NRXN3: variants seen among roughly 807,000 people sequenced by gnomAD.
NRXN3 encodes the protein neurexin III.
NRXN3 carries 32 observed loss-of-function variants against 137.6 expected under a neutral mutation model. The ratio of observed to expected loss-of-function variants is 0.23; its 90% CI spans 0.18 to 0.31. NRXN3 has a LOEUF of 0.31. Among genes scored for constraint, NRXN3 ranks in the 10% least tolerant of loss-of-function variants. NRXN3 has a pLI of 1.00. For missense variants in NRXN3, 1,574 were observed against 2,062.5 expected (o/e 0.76, Z 4.59); for synonymous variants, 798 against 784.5 (o/e 1.02, Z -0.29).
At chr14:78,671,591 CAT>C (rs145758507) in intron 6 of NRXN3, among the ~76,000 whole-genome samples, 1,803 of 152,082 alleles carry the variant, frequency 0.012, 27 homozygotes, top group African/African-American at 0.039. Flanking sequence ...TAAAGTCAAA[CAT>C]GTGAAAAAAA....
intron 4 of NRXN3, among the ~76,000 whole-genome samples, chr14:78,425,923 T>C (rs757351812): frequency 6.6e-6 from 1 of 152,192 alleles, no homozygotes; most frequent in Non-Finnish European, 1.5e-5. Flanking sequence ...AAGTTATAAA[T>C]ACGCACCACG....
intron 15 of NRXN3, among the ~76,000 whole-genome samples, chr14:79,443,136 A>G (rs778516120): frequency 5.3e-5 from 8 of 152,214 alleles, no homozygotes; most frequent in African/African-American, 1.7e-4. Context: ...ATGTAAAATC[A>G]TTTACAATAT....
intron 15 of NRXN3, among the ~76,000 whole-genome samples, chr14:79,224,312 G>C (rs1170532219): frequency 6.6e-6 from 1 of 152,184 alleles, no homozygotes; most frequent in East Asian, 1.9e-4. Context: ...ACAAAATAGA[G>C]ATAGTGAGAA....
intron 17 of NRXN3, among the ~76,000 whole-genome samples, chr14:79,690,481 T>C (rs1017052067): frequency 2.0e-5 from 3 of 152,134 alleles, no homozygotes; most frequent in Non-Finnish European, 4.4e-5. Flanking sequence ...TTCGAAACTG[T>C]TAATTGTTCC....
chr14:78,244,090 C>T (rs2067341092), intron 2 of NRXN3, among the ~76,000 whole-genome samples: 1 of 152,180 alleles, frequency 6.6e-6, no homozygotes, highest in Non-Finnish European at 1.5e-5. Flanking sequence ...CCTCTCACTG[C>T]AGCACCGTTT....
At chr14:78,176,944 G>T (rs973601947) in intron 1 of NRXN3, among the ~76,000 whole-genome samples, 4 of 152,106 alleles carry the variant, frequency 2.6e-5, no homozygotes, top group Non-Finnish European at 5.9e-5. Flanking sequence ...AGACTGGTGG[G>T]CTATATTCCA....
chr14:78,824,031 A>G (rs2098958973), intron 10 of NRXN3, among the ~76,000 whole-genome samples: 1 of 151,918 alleles, frequency 6.6e-6, no homozygotes, highest in Admixed American at 6.6e-5. Context: ...CAATACTGTA[A>G]AGAGGGAGAG....
intron 19 of NRXN3, among the ~76,000 whole-genome samples, chr14:79,769,501 G>A (rs927408621): frequency 6.6e-6 from 1 of 152,156 alleles, no homozygotes. Flanking sequence ...TTTCAACCCA[G>A]AATCTCATAT....
At chr14:79,491,306 C>T (rs981538231) in intron 16 of NRXN3, among the ~76,000 whole-genome samples, 4 of 152,170 alleles carry the variant, frequency 2.6e-5, no homozygotes, top group Non-Finnish European at 4.4e-5. Flanking sequence ...ACACAATCTG[C>T]TCAGTGAATT....
intron 4 of NRXN3, among the ~76,000 whole-genome samples, chr14:78,331,045 A>AG (rs1216808694): frequency 5.9e-5 from 9 of 152,318 alleles, no homozygotes; most frequent in African/African-American, 1.4e-4. Flanking sequence ...TTAAAGGGTC[A>AG]GGGCTCTAGT....
chr14:79,219,251 G>A (rs1597403364), intron 15 of NRXN3, among the ~76,000 whole-genome samples: 1 of 152,088 alleles, frequency 6.6e-6, no homozygotes, highest in East Asian at 1.9e-4. Flanking sequence ...GCCTCCTGAG[G>A]AGCTAAGACT....
At chr14:79,126,006 C>T (rs551478163) in intron 15 of NRXN3, among the ~76,000 whole-genome samples, 6 of 152,138 alleles carry the variant, frequency 3.9e-5, no homozygotes, top group Admixed American at 3.9e-4. Flanking sequence ...TGCTTTTGCA[C>T]TGATTGGACA....
chr14:79,624,238 T>G (rs1304473297), intron 16 of NRXN3, among the ~76,000 whole-genome samples: 1 of 152,206 alleles, frequency 6.6e-6, no homozygotes, highest in Non-Finnish European at 1.5e-5. Flanking sequence ...TAGAAATACA[T>G]GACCTAAATT....
chr14:79,854,164 T>A, intron 20 of NRXN3: 1 of 983,372 alleles, frequency 1.0e-6, no homozygotes, highest in Non-Finnish European at 1.2e-6. Context: ...CTTACACAAC[T>A]TTCTTTTGTA....
intron 15 of NRXN3, among the ~76,000 whole-genome samples, chr14:79,463,954 T>C (rs2096387340): frequency 6.6e-6 from 1 of 152,174 alleles, no homozygotes; most frequent in African/African-American, 2.4e-5. Context: ...TTTATTTGAA[T>C]ATGTAAAACA....
intron 15 of NRXN3, among the ~76,000 whole-genome samples, chr14:79,331,523 A>G (rs559044879): frequency 1.3e-5 from 2 of 152,254 alleles, no homozygotes; most frequent in South Asian, 4.1e-4. Flanking sequence ...TATGGTCACT[A>G]TTACTCTTTA....
intron 10 of NRXN3, among the ~76,000 whole-genome samples, chr14:78,871,354 G>T (rs1005897273): frequency 6.6e-6 from 1 of 151,820 alleles, no homozygotes; most frequent in Admixed American, 6.6e-5. Context: ...ATCCTATCAT[G>T]TTTCTACTCT....
At chr14:79,551,828 G>A (rs74068054) in intron 16 of NRXN3, among the ~76,000 whole-genome samples, 2,846 of 152,212 alleles carry the variant, frequency 0.019, 96 homozygotes, top group African/African-American at 0.065. Flanking sequence ...ATGGCTGAGC[G>A]CACAGCTCAT....
At chr14:78,402,752 C>G (rs900872580) in intron 4 of NRXN3, among the ~76,000 whole-genome samples, 11 of 152,164 alleles carry the variant, frequency 7.2e-5, no homozygotes, top group Non-Finnish European at 1.5e-5. Flanking sequence ...CACCTGTGCT[C>G]ATTTCTAAAA....
Sources: gnomAD v4.1 joint callset for allele counts (sites outside exome capture counted in the v4.1 genomes callset) on GRCh38, gnomAD v4.1.1 for gene constraint, MANE v1.5 for transcripts, NCBI Gene and HGNC (gene_info 2026-07-23, HGNC 2026-07-21) for gene names.